ERBB4: variants seen among roughly 807,000 people sequenced by gnomAD.
ERBB4 encodes the protein erb-b2 receptor tyrosine kinase 4.
ERBB4 carries 42 observed loss-of-function variants against 158.0 expected under a neutral mutation model. The observed-to-expected ratio is 0.27, with a 90% CI of 0.21 to 0.34. The LOEUF is 0.34. ERBB4 is among the 10% of genes least tolerant of loss of function. ERBB4 has a pLI of 1.00. For missense variants in ERBB4, 1,333 were observed against 1,624.1 expected (o/e 0.82, Z 3.08); for synonymous variants, 583 against 558.7 (o/e 1.04, Z -0.61).
At chr2:211,396,174 T>C (rs1464379673) in intron 25 of ERBB4, among the ~76,000 whole-genome samples, 2 of 152,142 alleles carry the variant, frequency 1.3e-5, no homozygotes, top group Admixed American at 6.5e-5. Context: ...ATGTTAGATA[T>C]ATATATGTGC....
rs1574473807 is a variant in ERBB4 at position 211,429,310 on chromosome 2, T to C, written c.2644-827A>G. 2.6e-5 allele frequency among the ~76,000 whole-genome samples: 4 copies of C among 152,130 alleles called. No individual in the cohort carries two copies. In the South Asian group the frequency reaches 8.3e-4, roughly 31 times the overall value. On this transcript the variant is annotated intron_variant, in intron 21 of 27. Coordinates refer to ENST00000342788, the MANE Select transcript of ERBB4 (RefSeq NM_005235.3). ...TTGCCCCCTCCCTTCTCCTCTCATA[T>C]AATTTGGCCACTAAAACGCCTAAAA... is the stretch of plus-strand genomic sequence containing the variant.
At chr2:212,088,406 A>T (rs2078678046) in intron 2 of ERBB4, among the ~76,000 whole-genome samples, 1 of 152,156 alleles carries the variant, frequency 6.6e-6, no homozygotes, top group Non-Finnish European at 1.5e-5. Context: ...TATTGTGAAA[A>T]ATAAAAATGG....
intron 21 of ERBB4, among the ~76,000 whole-genome samples, chr2:211,429,785 C>T (rs1385312430): frequency 6.6e-6 from 1 of 152,166 alleles, no homozygotes; most frequent in Non-Finnish European, 1.5e-5. Context: ...ACTTTATGGA[C>T]TACGGACATT....
chr2:211,384,022 G>A lies in ERBB4; in HGVS notation c.3520C>T (p.Arg1174Trp), dbSNP rs764035062. 28 of 1,613,592 alleles carry A rather than the reference G, an allele frequency of 1.7e-5. No homozygotes were observed. The highest frequency in any genetic ancestry group is 6.7e-5 in the Admixed American group (4 of 59,962). ...NPVEENPFVS[R>W]RKNGDLQALD... ...GCTTGAAGGTCTCCATTTTTTCTCC[G>A]AGAAACAAAAGGGTTCTCCTCCACT... The change falls in exon 28 of 28, where the codon CGG becomes TGG. Residue 1174 changes from arginine to tryptophan, a missense_variant. Arg to Trp is a moderately radical substitution (Grantham distance 101). Coordinates refer to ENST00000342788, the MANE Select transcript of ERBB4 (RefSeq NM_005235.3).
intron 1 of ERBB4, among the ~76,000 whole-genome samples, chr2:212,134,676 C>CTTTTTTTTTTTTTTTTTTTTTTTT (rs869141215): frequency 1.4e-5 from 1 of 69,056 alleles, no homozygotes; most frequent in Non-Finnish European, 2.5e-5. Flanking sequence ...TAAACACTTT[C>CTTTTTTTTTTTTTTTTTTTTTTTT]TTTTTTTTTT....
intron 4 of ERBB4, among the ~76,000 whole-genome samples, chr2:211,773,615 TA>T (rs1447840502): frequency 2.7e-4 from 12 of 43,846 alleles, no homozygotes; most frequent in South Asian, 6.9e-4. Context: ...TATATATATA[TA>T]TATATATATA....
At chr2:212,390,406 T>C (rs1170383365) in intron 1 of ERBB4, among the ~76,000 whole-genome samples, 2 of 151,816 alleles carry the variant, frequency 1.3e-5, no homozygotes, top group Non-Finnish European at 3.0e-5. Context: ...AAATCATTTT[T>C]CACCTGTTAT....
At chr2:212,156,860 G>A (rs974146571) in intron 1 of ERBB4, among the ~76,000 whole-genome samples, 4 of 151,994 alleles carry the variant, frequency 2.6e-5, no homozygotes, top group Admixed American at 6.6e-5. Context: ...CCTAATATCC[G>A]TGAAAGTAAT....
At position 212,474,822 on chromosome 2, in the gene ERBB4, C is replaced by CTTTTTTTTTTTTTTTTTTTTTTTTTTTT. The variant is rs539959668; in HGVS notation, c.82+63626_82+63627insAAAAAAAAAAAAAAAAAAAAAAAAAAAA. ...CACCATTTCCTGACACCCGGCCATT[C>CTTTTTTTTTTTTTTTTTTTTTTTTTTTT]TTTTTTTTTTTTTTTTTTGTCAAGA... On this transcript the variant is annotated intron_variant, in intron 1 of 27. Transcript: ENST00000342788. Among the ~76,000 whole-genome samples the CTTTTTTTTTTTTTTTTTTTTTTTTTTTT allele has an allele frequency of 1.1e-4, 10 of 94,414 alleles. 1 individual carries two copies. The highest frequency in any genetic ancestry group is 3.0e-4 in the African/African-American group (5 of 16,430). The allele number at this position is 94,414 out of a possible 152,430, so 61.9% of individuals were successfully genotyped here.
At chr2:211,413,353 TAAA>T (rs529107649) in intron 25 of ERBB4, among the ~76,000 whole-genome samples, 1 of 85,910 alleles carries the variant, frequency 1.2e-5, no homozygotes. Flanking sequence ...CACACATTGA[TAAA>T]AAAAAAAATA....
intron 2 of ERBB4, among the ~76,000 whole-genome samples, chr2:212,085,806 G>A (rs2078587284): frequency 6.6e-6 from 1 of 151,386 alleles, no homozygotes; most frequent in Non-Finnish European, 1.5e-5. Context: ...TACACATATA[G>A]TAGTTAAAAC....
chr2:211,609,994 A>G (rs2069131953), intron 19 of ERBB4, among the ~76,000 whole-genome samples: 1 of 152,142 alleles, frequency 6.6e-6, no homozygotes, highest in Non-Finnish European at 1.5e-5. Context: ...GATCATAAAA[A>G]ATTTTCTAAG....
chr2:211,464,971 CTTTTTTTTTTCTTTT>C (rs2064638612), intron 20 of ERBB4, among the ~76,000 whole-genome samples: 1 of 75,666 alleles, frequency 1.3e-5, no homozygotes, highest in African/African-American at 3.2e-5. Context: ...CCTTGTTTTT[CTTTTTTTTTTCTTTT>C]TTTTTTTTTT....
intron 1 of ERBB4, among the ~76,000 whole-genome samples, chr2:212,126,672 A>G (rs1292814588): frequency 6.6e-6 from 1 of 152,110 alleles, no homozygotes; most frequent in Non-Finnish European, 1.5e-5. Context: ...GATATACTGA[A>G]TTTAAGGCAA....
At chr2:211,721,715 C>T (rs943069628) in intron 7 of ERBB4, among the ~76,000 whole-genome samples, 17 of 149,958 alleles carry the variant, frequency 1.1e-4, no homozygotes, top group Admixed American at 2.0e-4. Flanking sequence ...AATAAGGAAT[C>T]AGAAATAATT....
In ERBB4 at chr2:212,304,693, G is replaced by A. The variant is rs115364257; in HGVS notation, c.83-179790C>T. Among the ~76,000 whole-genome samples the A allele has an allele frequency of 7.8e-3, 1,185 of 151,462 alleles. 9 individuals are homozygous for A. The highest frequency in any genetic ancestry group is 0.013 in the Non-Finnish European group (899 of 67,602). ...GGAAGGTTGACACAAAATTCACATG[G>A]CCATTTTCCACCCTGTAAGGTTTCC... is the stretch of plus-strand genomic sequence containing the variant. On this transcript the variant is annotated intron_variant, in intron 1 of 27. Transcript: ENST00000342788.
At chr2:212,418,895 C>T (rs2091724065) in intron 1 of ERBB4, among the ~76,000 whole-genome samples, 1 of 151,738 alleles carries the variant, frequency 6.6e-6, no homozygotes, top group Admixed American at 6.6e-5. Context: ...TGACATGGTC[C>T]TACAGAGTTC....
intron 2 of ERBB4, among the ~76,000 whole-genome samples, chr2:212,043,375 T>C (rs2077184243): frequency 6.6e-6 from 1 of 152,156 alleles, no homozygotes; most frequent in South Asian, 2.1e-4. Flanking sequence ...CTAATTGTGC[T>C]AGAAAAATGA....
intron 5 of ERBB4, among the ~76,000 whole-genome samples, chr2:211,738,002 A>G (rs1280830959): frequency 6.6e-6 from 1 of 151,998 alleles, no homozygotes; most frequent in Non-Finnish European, 1.5e-5. Context: ...ATACTATGGA[A>G]CATTCGTTTC....
Sources: gnomAD v4.1 joint callset for allele counts (sites outside exome capture counted in the v4.1 genomes callset) on GRCh38, gnomAD v4.1.1 for gene constraint, MANE v1.5 for transcripts, NCBI Gene and HGNC (gene_info 2026-07-23, HGNC 2026-07-21) for gene names.